Variants in PTPRD observed in about 807,000 individuals in gnomAD.
PTPRD encodes protein tyrosine phosphatase receptor type D.
In PTPRD, 34 loss-of-function variants were observed where a neutral mutation model predicts 214.5. The ratio of observed to expected loss-of-function variants is 0.16; its 90% confidence interval spans 0.12 to 0.21. The LOEUF (loss-of-function observed/expected upper bound fraction) is 0.21. Ranked by LOEUF, PTPRD falls within the 10% of genes least tolerant of loss-of-function variation. PTPRD has a pLI of 1.00. For synonymous variants in PTPRD, 1,128 were observed against 845.7 expected, an observed-to-expected ratio of 1.33 and a Z score of -5.79; for missense variants, 2,545 against 2,398.7, an observed-to-expected ratio of 1.06 and a Z score of -1.27.
At chr9:10,303,848 G>A (rs761852109) in intron 3 of PTPRD, among the ~76,000 whole-genome samples, 3 of 152,068 alleles carry the variant, frequency 2.0e-5, no homozygotes, top group Non-Finnish European at 4.4e-5. Context: ...AGAGGAGCTG[G>A]TACCTTTCTT....
rs550400155 is a variant in PTPRD at position 10,044,302 on chromosome 9, A to G, written c.-544-10512T>C. Reference sequence around the variant, plus strand: ...ACATAATAGATTATCATCAAATTTTAGAGGATATAAATTATGCTACTAAAT... The same window carrying G: ...ACATAATAGATTATCATCAAATTTTGGAGGATATAAATTATGCTACTAAAT... On this transcript the variant is annotated intron_variant, in intron 3 of 45. Transcript: ENST00000381196. 8.6e-4 allele frequency among the ~76,000 whole-genome samples: 131 copies of G among 151,964 alleles called. 1 individual carries two copies. Among genetic ancestry groups the G allele is most frequent in the African/African-American group, 3.0e-3 (126 of 41,538 alleles).
chr9:10,242,764 A>C (rs2091348690), intron 3 of PTPRD, among the ~76,000 whole-genome samples: 1 of 151,738 alleles, frequency 6.6e-6, no homozygotes. Context: ...CTAGTGGTGG[A>C]GGAAACAGCA....
chr9:8,846,290 T>A (rs1002218136), intron 11 of PTPRD, among the ~76,000 whole-genome samples: 1 of 152,196 alleles, frequency 6.6e-6, no homozygotes, highest in East Asian at 1.9e-4. Flanking sequence ...CTCTGAGTTT[T>A]CTGGGCACAC....
chr9:9,268,783 C>A (rs1594866767), intron 9 of PTPRD, among the ~76,000 whole-genome samples: 5 of 148,644 alleles, frequency 3.4e-5, no homozygotes, highest in Admixed American at 3.4e-4. Flanking sequence ...AATTATGGTG[C>A]CAGGAAAACT....
chr9:10,432,039 T>C (rs2154520907), intron 2 of PTPRD, among the ~76,000 whole-genome samples: 1 of 152,004 alleles, frequency 6.6e-6, no homozygotes, highest in East Asian at 1.9e-4. Context: ...CCAACCCAAA[T>C]GTCCAACAAT....
At chr9:9,970,343 G>A (rs990085760) in intron 4 of PTPRD, among the ~76,000 whole-genome samples, 9 of 150,892 alleles carry the variant, frequency 6.0e-5, no homozygotes, top group African/African-American at 2.2e-4. Flanking sequence ...CCAGCTACTC[G>A]GGAGGCTGAG....
chr9:8,413,824 C>T (rs1025302024), intron 35 of PTPRD, among the ~76,000 whole-genome samples: 2 of 151,908 alleles, frequency 1.3e-5, no homozygotes, highest in African/African-American at 4.8e-5. Flanking sequence ...TCTTTCTAAA[C>T]TAAAAGATTA....
chr9:9,335,864 A>C (rs981996989), intron 9 of PTPRD, among the ~76,000 whole-genome samples: 3 of 152,112 alleles, frequency 2.0e-5, no homozygotes, highest in Non-Finnish European at 4.4e-5. Flanking sequence ...ACAACTCAGC[A>C]TCTAATGAAA....
intron 11 of PTPRD, among the ~76,000 whole-genome samples, chr9:8,778,743 C>A (rs1272847211): frequency 6.6e-6 from 1 of 152,160 alleles, no homozygotes; most frequent in Non-Finnish European, 1.5e-5. Context: ...GTGTTTCCCA[C>A]TTGTCCACTC....
At chr9:10,289,462 G>C (rs183523740) in intron 3 of PTPRD, among the ~76,000 whole-genome samples, 61 of 152,210 alleles carry the variant, frequency 4.0e-4, no homozygotes, top group Admixed American at 8.5e-4. Flanking sequence ...CAATACTGAG[G>C]CAAAGGAGGT....
intron 5 of PTPRD, among the ~76,000 whole-genome samples, chr9:9,930,657 G>T (rs1404987066): frequency 6.6e-6 from 1 of 152,154 alleles, no homozygotes; most frequent in East Asian, 1.9e-4. Context: ...TATGATGAAA[G>T]ATAGCATTGA....
chr9:9,096,303 A>G (rs887560366), intron 10 of PTPRD, among the ~76,000 whole-genome samples: 5 of 152,232 alleles, frequency 3.3e-5, no homozygotes, highest in Admixed American at 6.5e-5. Context: ...TTTACTATCT[A>G]TAAGTATCCC....
intron 8 of PTPRD, among the ~76,000 whole-genome samples, chr9:9,399,198 T>G (rs1276058225): frequency 1.3e-5 from 2 of 152,206 alleles, no homozygotes; most frequent in Middle Eastern, 3.4e-3. Flanking sequence ...AATAAAATTT[T>G]AAGTAACAGA....
At chr9:10,128,765 T>A (rs1023376670) in intron 3 of PTPRD, among the ~76,000 whole-genome samples, 2 of 152,130 alleles carry the variant, frequency 1.3e-5, no homozygotes, top group African/African-American at 4.8e-5. Context: ...CATCACAAAC[T>A]GTTTTTCTGC....
intron 5 of PTPRD, among the ~76,000 whole-genome samples, chr9:9,934,597 CAA>C (rs906693659): frequency 2.0e-5 from 3 of 150,920 alleles, no homozygotes; most frequent in Non-Finnish European, 2.9e-5. Flanking sequence ...GCTTACCAAC[CAA>C]AAAGAGTCCA....
At chr9:9,573,701 C>T (rs982106312) in intron 8 of PTPRD, among the ~76,000 whole-genome samples, 1 of 151,550 alleles carries the variant, frequency 6.6e-6, no homozygotes, top group Non-Finnish European at 1.5e-5. Context: ...ATAATTTCTC[C>T]AAATTTCTCC....
intron 3 of PTPRD, among the ~76,000 whole-genome samples, chr9:10,043,315 T>C (rs1182036996): frequency 6.6e-6 from 1 of 151,950 alleles, no homozygotes; most frequent in African/African-American, 2.4e-5. Context: ...AGCATATCCA[T>C]TGCTTTACTT....
chr9:9,791,298 G>A (rs912889718), intron 5 of PTPRD, among the ~76,000 whole-genome samples: 3 of 151,978 alleles, frequency 2.0e-5, no homozygotes, highest in Admixed American at 1.3e-4. Flanking sequence ...AACTGCACAC[G>A]TTTGTTCTTT....
chr9:10,559,565 A>C (rs894401951), intron 2 of PTPRD, among the ~76,000 whole-genome samples: 1 of 152,158 alleles, frequency 6.6e-6, no homozygotes, highest in African/African-American at 2.4e-5. Context: ...AATGAGATCT[A>C]ATTAAACTAA....
Sources: gnomAD v4.1 joint callset for allele counts (sites outside exome capture counted in the v4.1 genomes callset) on GRCh38, gnomAD v4.1.1 for gene constraint, MANE v1.5 for transcripts, NCBI Gene and HGNC (gene_info 2026-07-23, HGNC 2026-07-21) for gene names.